Variants in PLCE1 observed in about 807,000 individuals in gnomAD.
PLCE1 encodes phospholipase C epsilon 1.
PLCE1 carries 119 observed loss-of-function variants against 242.8 expected under a neutral mutation model. That is an observed-to-expected ratio of 0.49 (90% CI 0.42 to 0.57). The LOEUF (loss-of-function observed/expected upper bound fraction) is 0.57. Among genes scored for constraint, PLCE1 ranks in the 20% least tolerant of loss-of-function variants. The pLI is 0.00. For missense variants in PLCE1, 2,441 were observed against 2,788.8 expected (o/e 0.88, Z 2.81); for synonymous variants, 945 against 1,017.4 (o/e 0.93, Z 1.35).
At chr10:94,280,807 C>CAGTTGAGTTGAGGGG (rs1468296924) in intron 20 of PLCE1, among the ~76,000 whole-genome samples, 7 of 152,224 alleles carry the variant, frequency 4.6e-5, no homozygotes, top group Non-Finnish European at 5.9e-5. Context: ...TGAGCCCCCT[C>CAGTTGAGTTGAGGGG]CTCCAAATAT....
At chr10:94,223,231 TA>T (rs1002887251) in intron 4 of PLCE1, among the ~76,000 whole-genome samples, 5 of 16,688 alleles carry the variant, frequency 3.0e-4, no homozygotes, top group African/African-American at 1.2e-3. Flanking sequence ...ACTCCATCTC[TA>T]CAAAAAAAAA....
chr10:94,212,529 T>A (rs1308720916), intron 4 of PLCE1, among the ~76,000 whole-genome samples: 3 of 152,204 alleles, frequency 2.0e-5, no homozygotes, highest in Non-Finnish European at 4.4e-5. Context: ...GTGCTGGGAT[T>A]ACAGGCATGA....
Position 94,268,919 on chromosome 10 carries a change from G to A in PLCE1, c.4282-10G>A. ...CTCACCTGGGGTGGATTCGCTCATT[G>A]ATCACACAGGTCCTTTTGCAAGGCT... On this transcript the variant is annotated splice_polypyrimidine_tract_variant and intron_variant, in intron 16 of 32. Transcript: ENST00000371380. The A allele has an allele frequency of 1.3e-6, 2 of 1,564,170 alleles. No homozygotes were observed. Among genetic ancestry groups the A allele is most frequent in the Non-Finnish European group, 8.8e-7 (1 of 1,134,794 alleles).
At chr10:94,008,560 C>T (rs1194554234) in intron 1 of PLCE1, among the ~76,000 whole-genome samples, 2 of 152,196 alleles carry the variant, frequency 1.3e-5, no homozygotes, top group Admixed American at 1.3e-4. Context: ...CTGCCTGCCT[C>T]AGCCTCCAAA....
At chr10:94,068,315 GTA>G (rs2044253117) in intron 2 of PLCE1, among the ~76,000 whole-genome samples, 1 of 152,090 alleles carries the variant, frequency 6.6e-6, no homozygotes, top group Non-Finnish European at 1.5e-5. Flanking sequence ...CTCCACCATT[GTA>G]ATAGTACAGT....
intron 1 of PLCE1, among the ~76,000 whole-genome samples, 117 bp from the exon 2 acceptor site, chr10:94,030,566 T>C (rs964849121): frequency 6.6e-6 from 1 of 152,070 alleles, no homozygotes; most frequent in Non-Finnish European, 1.5e-5. Flanking sequence ...AAAACCAACT[T>C]CTGATTGCAA....
intron 1 of PLCE1, among the ~76,000 whole-genome samples, chr10:94,014,969 C>T (rs1432350078): frequency 6.6e-6 from 1 of 152,182 alleles, no homozygotes; most frequent in African/African-American, 2.4e-5. Context: ...AGACTATTAG[C>T]CAGGGTGGAT....
At chr10:94,110,781 A>T (rs1227255747) in intron 2 of PLCE1, among the ~76,000 whole-genome samples, 1 of 152,234 alleles carries the variant, frequency 6.6e-6, no homozygotes, top group African/African-American at 2.4e-5. Flanking sequence ...CAGAAGCATC[A>T]TCCTTCTCTG....
At chr10:94,114,630 C>T (rs1463248900) in intron 2 of PLCE1, among the ~76,000 whole-genome samples, 3 of 152,192 alleles carry the variant, frequency 2.0e-5, no homozygotes, top group African/African-American at 7.2e-5. Context: ...TTATAATCTC[C>T]ACATTACCCC....
At chr10:94,051,286 CAAAA>C (rs869233995) in intron 2 of PLCE1, among the ~76,000 whole-genome samples, 7 of 29,348 alleles carry the variant, frequency 2.4e-4, no homozygotes, top group African/African-American at 3.7e-4. Context: ...GACTCCAACT[CAAAA>C]AAAAAAAAAA....
At chr10:94,048,402 A>C (rs891820096) in intron 2 of PLCE1, among the ~76,000 whole-genome samples, 2 of 88,866 alleles carry the variant, frequency 2.3e-5, no homozygotes, top group African/African-American at 8.7e-5. Flanking sequence ...AACCCTTGCC[A>C]CTATGATGTA....
chr10:94,111,584 C>T lies in PLCE1; in HGVS notation c.1207-20590C>T, dbSNP rs115884325. 5.7e-3 allele frequency among the ~76,000 whole-genome samples: 864 copies of T among 152,222 alleles called. 11 individuals carry two copies. The highest frequency in any genetic ancestry group is 0.02 in the African/African-American group (822 of 41,546). ...TTGGAAGAGTGGGTGGCTAGAGAGC[C>T]CCTGCAAGGCACTGCCCACTCAGTA... On this transcript the variant is annotated intron_variant, in intron 2 of 32. Transcript: ENST00000371380.
chr10:94,027,521 CATAT>C (rs1168449430), intron 1 of PLCE1, among the ~76,000 whole-genome samples: 1 of 152,160 alleles, frequency 6.6e-6, no homozygotes, highest in Non-Finnish European at 1.5e-5. Context: ...GACAAAGCCA[CATAT>C]AAGATAAGCT....
intron 2 of PLCE1, chr10:94,106,958 C>T (rs1590038150): frequency 7.1e-6 from 1 of 141,844 alleles, no homozygotes; most frequent in African/African-American, 2.6e-5. Context: ...CTCCCCTCCC[C>T]CCCCCAACAC....
At chr10:94,017,183 T>C (rs1031475653) in intron 1 of PLCE1, among the ~76,000 whole-genome samples, 2 of 152,164 alleles carry the variant, frequency 1.3e-5, no homozygotes, top group Admixed American at 6.5e-5. Context: ...TTGCTTCAGA[T>C]TGTGGACTCT....
At chr10:94,208,264 C>T (rs2136902249) in intron 4 of PLCE1, among the ~76,000 whole-genome samples, 1 of 152,320 alleles carries the variant, frequency 6.6e-6, no homozygotes, top group East Asian at 1.9e-4. Flanking sequence ...CGGTGATGCA[C>T]CAAGCAGAGC....
intron 8 of PLCE1, 133 bp downstream of exon 8, chr10:94,246,754 T>C: frequency 1.3e-6 from 1 of 753,070 alleles, no homozygotes; most frequent in Non-Finnish European, 2.2e-6. Context: ...AGCTTTTACT[T>C]AACCTCTTGG....
At chr10:94,138,504 T>C in intron 3 of PLCE1, 1 of 466,940 alleles carries the variant, frequency 2.1e-6, no homozygotes, top group South Asian at 1.7e-5. Context: ...TCCGTAGTAA[T>C]GGAGATGTTC....
chr10:94,313,382 A>T lies in PLCE1; in HGVS notation c.6132A>T (p.Gln2044His). 6.2e-7 allele frequency: 1 copy of T among 1,614,178 alleles called. No homozygotes were observed. Among genetic ancestry groups the T allele is most frequent in the Non-Finnish European group, 8.5e-7 (1 of 1,180,010 alleles). ...GGTKAKQLLQ[Q>H]ILTNEQDIKP... ...CCAAGGCAAAGCAGCTTCTGCAGCA[A>T]GTAAGTCCACTGAGCCGTGGTTGGG... Residue 2044 changes from glutamine to histidine, a missense_variant and splice_region_variant, in exon 28 of 33, where the codon CAA becomes CAT. By Grantham distance (24) the Gln-to-His change is conservative (BLOSUM62 0). Transcript: ENST00000371380.
Sources: allele counts gnomAD v4.1 joint callset (sites outside exome capture counted in the v4.1 genomes callset), GRCh38; gene constraint gnomAD v4.1.1; transcripts MANE v1.5; gene names NCBI Gene and HGNC (gene_info 2026-07-23, HGNC 2026-07-21).